Variants in NAP1L4 observed in about 807,000 individuals in gnomAD.
NAP1L4 encodes the protein nucleosome assembly protein 1-like 4.
In NAP1L4, 15 loss-of-function variants were observed where a neutral mutation model predicts 58.2. That is an observed-to-expected ratio of 0.26 (90% CI 0.17 to 0.40). The LOEUF is 0.40. Ranked by LOEUF, NAP1L4 falls within the 10% of genes least tolerant of loss-of-function variation. NAP1L4 has a pLI of 1.00. For missense variants in NAP1L4, 384 were observed against 451.1 expected (o/e 0.85, Z 1.35); for synonymous variants, 171 against 155.6 (o/e 1.10, Z -0.74).
chr11:2,945,674 G>A (rs1590211095), intron 15 of NAP1L4, 28 bp from the exon 16 acceptor site: 8 of 1,531,862 alleles, frequency 5.2e-6, no homozygotes, highest in Non-Finnish European at 7.0e-6. Flanking sequence ...AAGGCTTGTA[G>A]AGAGCAAAGC....
In NAP1L4 at chr11:2,987,099, C is replaced by T. The variant is rs1278098683; in HGVS notation, c.-18+5155G>A. On this transcript the variant is annotated intron_variant, in intron 1 of 15. Transcript: ENST00000380542. Reference sequence around the variant, plus strand: ...AAAGGACAAAGAAATGATCTGTTCTCAGAAGGAATCAAGATACCCCTGTAG... The same window carrying T: ...AAAGGACAAAGAAATGATCTGTTCTTAGAAGGAATCAAGATACCCCTGTAG... Among the ~76,000 whole-genome samples, 5 of 152,162 alleles carry T rather than the reference C, an allele frequency of 3.3e-5. No individual in the cohort carries two copies. In the East Asian group the frequency reaches 9.7e-4, roughly 30 times the overall value.
intron 12 of NAP1L4, chr11:2,952,086 C>T (rs1325130905): frequency 1.9e-6 from 1 of 534,682 alleles, no homozygotes; most frequent in Non-Finnish European, 3.3e-6. Flanking sequence ...CCTGGCACCA[C>T]AGCTCTGCCC....
chr11:2,985,074 T>C (rs1590275133), intron 1 of NAP1L4, among the ~76,000 whole-genome samples: 1 of 152,268 alleles, frequency 6.6e-6, no homozygotes, highest in South Asian at 2.1e-4. Context: ...GGTAATTTTA[T>C]ACAATATTTT....
At chr11:2,985,042 C>T (rs757764874) in intron 1 of NAP1L4, among the ~76,000 whole-genome samples, 1 of 151,996 alleles carries the variant, frequency 6.6e-6, no homozygotes, top group Non-Finnish European at 1.5e-5. Context: ...GTTTCCCACA[C>T]ATCTTATTCA....
chr11:2,983,826 C>T (rs1160861394), intron 1 of NAP1L4: 1 of 150,594 alleles, frequency 6.6e-6, no homozygotes, highest in Non-Finnish European at 1.5e-5. Flanking sequence ...ACAAAAACAA[C>T]AAAAAAAACA....
intron 6 of NAP1L4, 33 bp from the exon 7 acceptor site, chr11:2,969,967 TAA>T: frequency 6.3e-7 from 1 of 1,593,956 alleles, no homozygotes; most frequent in East Asian, 2.2e-5. Context: ...GTAACGAAAA[TAA>T]AAGTTTACAA....
chr11:2,950,906 C>T (rs1314517613), intron 14 of NAP1L4: 2 of 211,242 alleles, frequency 9.5e-6, no homozygotes, highest in African/African-American at 2.3e-5. Flanking sequence ...CCCTTCTTTG[C>T]ACCTTTTCCA....
Position 2,979,229 on chromosome 11 carries a change from T to A in NAP1L4, c.-9A>T, listed in dbSNP as rs779252931. On this transcript the variant is annotated 5_prime_UTR_variant, in exon 2 of 16. Transcript: ENST00000380542. ...TACCTGTGATCTGCCATCTGAATGT[T>A]TTTATCCCCTATAAATTAAAAAGAG... The A allele has an allele frequency of 1.2e-6, 2 of 1,609,754 alleles. No homozygotes were observed. Among genetic ancestry groups the A allele is most frequent in the South Asian group, 2.2e-5 (2 of 90,190 alleles).
intron 7 of NAP1L4, among the ~76,000 whole-genome samples, chr11:2,967,429 A>G (rs371286485): frequency 2.2e-4 from 34 of 152,176 alleles, no homozygotes; most frequent in African/African-American, 7.2e-4. Flanking sequence ...TGGCTAACAC[A>G]GTGAAACCCC....
rs371395386 is a variant in NAP1L4 at position 2,951,857 on chromosome 11, A to G, written c.1036-48T>C. On this transcript the variant is annotated intron_variant, in intron 12 of 15. Coordinates refer to ENST00000380542, the MANE Select transcript of NAP1L4 (RefSeq NM_005969.4). The surrounding 1 kb of genome is among the most constrained non-coding windows in gnomAD (Gnocchi z 4.0). ...TTTTAGGTTTACAAAACATGACAGC[A>G]GCCTGCCCAAGACACCAGTCCCATC... 2 of 1,579,246 alleles carry G rather than the reference A, an allele frequency of 1.3e-6. No homozygotes were observed. Among genetic ancestry groups the G allele is most frequent in the African/African-American group, 2.7e-5 (2 of 74,234 alleles).
chr11:2,954,335 G>T lies in NAP1L4; in HGVS notation c.1035+192C>A. The T allele has an allele frequency of 1.2e-6, 1 of 828,048 alleles. No homozygotes were observed. The highest frequency in any genetic ancestry group is 1.9e-6 in the Non-Finnish European group (1 of 513,834). The allele number at this position is 828,048 out of a possible 1,614,324, so 51.3% of individuals were successfully genotyped here. A position where few individuals can be genotyped will look rare whatever the true frequency, so the allele number is the denominator to read the frequency against. ...TGCTTCACAGACACCTGCTTTTCCT[G>T]CTCTGTTCCTCAGACTTCTCCTCTT... On this transcript the variant is annotated intron_variant, in intron 12 of 15. Coordinates refer to ENST00000380542, the MANE Select transcript of NAP1L4 (RefSeq NM_005969.4). This position sits in a 1 kb window ranked among gnomAD's most constrained non-coding sequence, Gnocchi z 4.8.
rs1265651397 is a variant in NAP1L4, at chr11:2,946,419, G to C, written c.*33-773C>G. 6.6e-6 allele frequency among the ~76,000 whole-genome samples: 1 copy of C among 152,202 alleles called. No individual in the cohort carries two copies. The highest frequency in any genetic ancestry group is 2.4e-5 in the African/African-American group (1 of 41,454). On this transcript the variant is annotated intron_variant, in intron 15 of 15. Coordinates refer to ENST00000380542, the MANE Select transcript of NAP1L4 (RefSeq NM_005969.4). This position sits in a 1 kb window ranked among gnomAD's most constrained non-coding sequence, Gnocchi z 4.8. ...CCACATCCAGCAACTCCATGAATTT[G>C]TGTGGAGGCCAACAATAGCCTAAGA...
At chr11:2,950,010 G>A (rs1378227238) in intron 14 of NAP1L4, among the ~76,000 whole-genome samples, 1 of 152,210 alleles carries the variant, frequency 6.6e-6, no homozygotes, top group Non-Finnish European at 1.5e-5. Context: ...AAACACACGT[G>A]GCCCTTGGGT....
chr11:2,953,035 A>C (rs1458571419), intron 12 of NAP1L4, among the ~76,000 whole-genome samples: 1 of 152,214 alleles, frequency 6.6e-6, no homozygotes, highest in Non-Finnish European at 1.5e-5. Flanking sequence ...CAGAGTCTTT[A>C]CCATGAGCTC....
intron 6 of NAP1L4, 93 bp from the exon 7 acceptor site, chr11:2,970,027 T>A: frequency 7.5e-7 from 1 of 1,327,456 alleles, no homozygotes; most frequent in Non-Finnish European, 1.0e-6. Flanking sequence ...TCCTCTACTA[T>A]CTCCCATCAA....
chr11:2,967,214 T>C (rs1847335194), intron 7 of NAP1L4, among the ~76,000 whole-genome samples: 1 of 152,104 alleles, frequency 6.6e-6, no homozygotes, highest in Admixed American at 6.5e-5. Flanking sequence ...TGACTGTGCC[T>C]ATGAAAAGCC....
chr11:2,953,111 C>T (rs1233266835), intron 12 of NAP1L4, among the ~76,000 whole-genome samples: 4 of 152,156 alleles, frequency 2.6e-5, no homozygotes, highest in African/African-American at 4.8e-5. Flanking sequence ...AATGGGGATG[C>T]GAGTCTGAGC....
At chr11:2,976,808 T>C (rs536175514) in intron 3 of NAP1L4, among the ~76,000 whole-genome samples, 1 of 152,158 alleles carries the variant, frequency 6.6e-6, no homozygotes, top group East Asian at 1.9e-4. Flanking sequence ...CCTGACAAGG[T>C]AGTGACTGTC....
intron 1 of NAP1L4, among the ~76,000 whole-genome samples, chr11:2,980,902 T>G (rs1170582699): frequency 1.3e-5 from 2 of 150,450 alleles, no homozygotes; most frequent in African/African-American, 2.5e-5. Context: ...AAAAATAAAT[T>G]ATGTTTTAAT....
Sources: allele counts gnomAD v4.1 joint callset (sites outside exome capture counted in the v4.1 genomes callset), GRCh38; gene constraint gnomAD v4.1.1; non-coding constraint Gnocchi (gnomAD v3.1); transcripts MANE v1.5; gene names NCBI Gene and HGNC (gene_info 2026-07-23, HGNC 2026-07-21).